SCNN1B: variants seen among roughly 807,000 people sequenced by gnomAD.
The protein encoded by SCNN1B is epithelial sodium channel subunit beta.
A neutral mutation model predicts 65.3 loss-of-function variants in SCNN1B; 46 were observed. That is an observed-to-expected ratio of 0.70 (90% CI 0.56 to 0.90). The LOEUF (loss-of-function observed/expected upper bound fraction) is 0.90. SCNN1B is among the 40% of genes least tolerant of loss of function. The probability of loss-of-function intolerance (pLI) is 0.00; values close to 1 mark genes in which losing one functional copy is unlikely to be tolerated. For missense variants in SCNN1B, 751 were observed against 830.5 expected (o/e 0.90, Z 1.18); for synonymous variants, 349 against 330.6 (o/e 1.06, Z -0.60).
intron 1 of SCNN1B, among the ~76,000 whole-genome samples, chr16:23,327,006 T>G (rs995186685): frequency 6.6e-6 from 1 of 152,066 alleles, no homozygotes; most frequent in African/African-American, 2.4e-5. Context: ...AGCCTCAAAC[T>G]CCCAGACTCA....
At chr16:23,353,324 G>A in intron 3 of SCNN1B, 1 of 557,900 alleles carries the variant, frequency 1.8e-6, no homozygotes. Context: ...ACATGACTAA[G>A]AAATCCAGAG....
intron 2 of SCNN1B, among the ~76,000 whole-genome samples, chr16:23,290,766 A>G (rs1485164163): frequency 2.6e-5 from 4 of 152,222 alleles, no homozygotes; most frequent in African/African-American, 9.6e-5. Flanking sequence ...GTTCTCTTTT[A>G]GTAGACCAAA....
intron 1 of SCNN1B, among the ~76,000 whole-genome samples, chr16:23,314,657 C>T (rs1380152287): frequency 6.6e-6 from 1 of 152,174 alleles, no homozygotes; most frequent in African/African-American, 2.4e-5. Context: ...CTCTCGAAGC[C>T]TTTGGTTCAC....
intron 4 of SCNN1B, 84 bp downstream of exon 4, chr16:23,355,573 G>T (rs1004045200): frequency 7.1e-7 from 1 of 1,416,334 alleles, no homozygotes; most frequent in East Asian, 2.3e-5. Flanking sequence ...AGCCTGCCAG[G>T]GTTCCAATCC....
In SCNN1B at chr16:23,371,860, T is replaced by C; in HGVS notation, c.1129T>C (p.Tyr377His). Residue 377 changes from tyrosine (Y) to histidine (H), a missense_variant, in exon 7 of 13, where the codon TAC becomes CAC. Transcript: ENST00000343070. ...EVPVQNFYSD[Y>H]NTTYSIQACL... ...CCCCGTCCAAAACTTCTACAGTGAC[T>C]ACAACACGACCTACTCCATCCAGGT... 1 of 1,613,790 alleles carries C rather than the reference T, an allele frequency of 6.2e-7. No homozygotes were observed. The highest frequency in any genetic ancestry group is 1.3e-5 in the African/African-American group (1 of 75,050).
At chr16:23,299,819 G>A (rs564627075), upstream of SCNN1B, among the ~76,000 whole-genome samples, 2 of 152,304 alleles carry the variant, frequency 1.3e-5, no homozygotes, top group Non-Finnish European at 2.9e-5. Flanking sequence ...AATACCATTT[G>A]ACTCAGCAGT....
chr16:23,350,118 A>ATG (rs1157727283), intron 2 of SCNN1B, among the ~76,000 whole-genome samples: 1 of 152,096 alleles, frequency 6.6e-6, no homozygotes, highest in African/African-American at 2.4e-5. Flanking sequence ...TCTTCAACAA[A>ATG]TGCTTATGAT....
chr16:23,286,825 C>G (rs1186593061), intron 2 of SCNN1B, among the ~76,000 whole-genome samples: 4 of 152,136 alleles, frequency 2.6e-5, no homozygotes, highest in African/African-American at 9.7e-5. Flanking sequence ...TTACAAGTGG[C>G]TCACACATGT....
chr16:23,346,067 C>T (rs1408441708), intron 1 of SCNN1B, among the ~76,000 whole-genome samples: 1 of 152,114 alleles, frequency 6.6e-6, no homozygotes, highest in Non-Finnish European at 1.5e-5. Flanking sequence ...CCTGCCCTCT[C>T]ATGCATATGG....
intron 1 of SCNN1B, among the ~76,000 whole-genome samples, chr16:23,318,563 T>C (rs1236134799): frequency 6.6e-6 from 1 of 152,156 alleles, no homozygotes; most frequent in African/African-American, 2.4e-5. Context: ...GAGCCGAGAT[T>C]GCGCCAAGGC....
At position 23,331,439 on chromosome 16, in the gene SCNN1B, G is replaced by A. The variant is rs547151691; in HGVS notation, c.-8-17153G>A. On this transcript the variant is annotated intron_variant, in intron 1 of 12. Coordinates refer to ENST00000343070, the MANE Select transcript of SCNN1B (RefSeq NM_000336.3). Reference sequence around the variant, plus strand: ...TCCTGGGTTCAAGTGATTCTCCTGCGTCAGCCTCCCAAATAGCTGCTATTA... The same window carrying A: ...TCCTGGGTTCAAGTGATTCTCCTGCATCAGCCTCCCAAATAGCTGCTATTA... Among the ~76,000 whole-genome samples, 6 of 151,062 alleles carry A rather than the reference G, an allele frequency of 4.0e-5. No homozygotes were observed. In the South Asian group the frequency reaches 1.0e-3, roughly 26 times the overall value.
chr16:23,373,863 G>A (rs1180971220), intron 7 of SCNN1B, among the ~76,000 whole-genome samples: 1 of 152,198 alleles, frequency 6.6e-6, no homozygotes, highest in Non-Finnish European at 1.5e-5. Context: ...GTACAGGGAG[G>A]TGGGAAACAC....
At chr16:23,295,373 C>T (rs1960980978) in intron 2 of SCNN1B, among the ~76,000 whole-genome samples, 1 of 151,642 alleles carries the variant, frequency 6.6e-6, no homozygotes, top group African/African-American at 2.4e-5. Context: ...GAGCGTGCCA[C>T]CATGCCCAGC....
intron 4 of SCNN1B, among the ~76,000 whole-genome samples, chr16:23,364,336 G>T (rs1962607035): frequency 6.6e-6 from 1 of 152,170 alleles, no homozygotes; most frequent in African/African-American, 2.4e-5. Context: ...TGAAGGATGG[G>T]GAGAAGCCAG....
intron 1 of SCNN1B, among the ~76,000 whole-genome samples, chr16:23,338,848 G>A (rs543416131): frequency 3.5e-4 from 53 of 152,322 alleles, no homozygotes; most frequent in African/African-American, 1.2e-3. Context: ...AATGGCAATG[G>A]ATTAAAGTCT....
At chr16:23,296,362 CTGATTT>C (rs1281496415) in intron 2 of SCNN1B, among the ~76,000 whole-genome samples, 2 of 152,132 alleles carry the variant, frequency 1.3e-5, no homozygotes, top group Non-Finnish European at 2.9e-5. Context: ...ATGTTATTTT[CTGATTT>C]TTAAACATTG....
In SCNN1B at chr16:23,364,396, G is replaced by A. The variant is rs187420950; in HGVS notation, c.777-3460G>A. Among the ~76,000 whole-genome samples, 46 of 152,264 alleles carry A rather than the reference G, an allele frequency of 3.0e-4. No individual in the cohort carries two copies. In the East Asian group the frequency reaches 8.7e-3, roughly 29 times the overall value. On this transcript the variant is annotated intron_variant, in intron 4 of 12. Transcript: ENST00000343070. ...ATTCCAGGCACAAAGGACAACAGAG[G>A]CAAAAGCCTTGAGCTTGGAAACATC...
At chr16:23,296,156 G>A (rs904694614) in intron 2 of SCNN1B, among the ~76,000 whole-genome samples, 15 of 152,124 alleles carry the variant, frequency 9.9e-5, no homozygotes, top group Non-Finnish European at 1.5e-5. Context: ...GACGTACCAG[G>A]AGTAGAGGCC....
chr16:23,285,330 A>AC (rs1960834830), intron 2 of SCNN1B, among the ~76,000 whole-genome samples: 1 of 152,172 alleles, frequency 6.6e-6, no homozygotes, highest in South Asian at 2.1e-4. Flanking sequence ...GCACCACCAC[A>AC]CCCAGCTAAT....
Sources: allele counts gnomAD v4.1 joint callset (sites outside exome capture counted in the v4.1 genomes callset), GRCh38; gene constraint gnomAD v4.1.1; transcripts MANE v1.5; gene names NCBI Gene and HGNC (gene_info 2026-07-23, HGNC 2026-07-21).